Variants in DUSP22 observed in about 807,000 individuals in gnomAD.
The protein encoded by DUSP22 is dual specificity protein phosphatase 22.
Under a neutral mutation model 24.5 loss-of-function variants are expected in DUSP22, and 24 were observed. The observed-to-expected ratio is 0.98, with a 90% CI of 0.71 to 1.38. The LOEUF is 1.38. Ranked by LOEUF, DUSP22 falls within the 40% of genes most tolerant of loss-of-function variation. The probability of loss-of-function intolerance (pLI) is 0.00; values close to 1 mark genes in which losing one functional copy is unlikely to be tolerated. For synonymous variants in DUSP22, 160 were observed against 106.4 expected (o/e 1.50, Z -3.10); for missense variants, 330 against 269.2 (o/e 1.23, Z -1.58).
intron 1 of DUSP22, among the ~76,000 whole-genome samples, chr6:298,714 A>G (rs545882793): frequency 6.6e-6 from 1 of 152,428 alleles, no homozygotes; most frequent in Admixed American, 6.5e-5. Context: ...CTTGTAACAG[A>G]AAACAGGAAT....
intron 3 of DUSP22, among the ~76,000 whole-genome samples, chr6:333,351 T>C (rs1000223381): frequency 6.6e-6 from 1 of 152,308 alleles, no homozygotes. Flanking sequence ...AGCAATAAAG[T>C]TCATCTCCTT....
chr6:330,413 G>A (rs1759090253), intron 3 of DUSP22, among the ~76,000 whole-genome samples: 1 of 152,304 alleles, frequency 6.6e-6, no homozygotes. Context: ...TGTCAGCTGG[G>A]CTCTTGAGAA....
chr6:328,157 G>A (rs1758971273), intron 3 of DUSP22, among the ~76,000 whole-genome samples: 1 of 152,306 alleles, frequency 6.6e-6, no homozygotes, highest in Admixed American at 6.5e-5. Context: ...GGTTGTTCAG[G>A]CTTCACCTTC....
intron 1 of DUSP22, among the ~76,000 whole-genome samples, chr6:293,112 G>A (rs1382852226): frequency 2.0e-5 from 3 of 152,420 alleles, no homozygotes; most frequent in African/African-American, 4.8e-5. Context: ...AAGATTCAGA[G>A]TTGATTAGGT....
At chr6:303,506 T>C (rs1167413768) in intron 1 of DUSP22, among the ~76,000 whole-genome samples, 1 of 152,306 alleles carries the variant, frequency 6.6e-6, no homozygotes. Context: ...AGAAATCAGC[T>C]AACATGAAGA....
intron 1 of DUSP22, among the ~76,000 whole-genome samples, chr6:298,265 G>C (rs1366476416): frequency 6.6e-6 from 1 of 152,302 alleles, no homozygotes; most frequent in Non-Finnish European, 1.5e-5. Context: ...TGGCCAAATG[G>C]CATTTAAAAT....
chr6:345,369 C>T (rs1450645155), intron 4 of DUSP22, among the ~76,000 whole-genome samples: 1 of 152,286 alleles, frequency 6.6e-6, no homozygotes, highest in Non-Finnish European at 1.5e-5. Flanking sequence ...GCCACCACAC[C>T]CAGCTAATTT....
intron 2 of DUSP22, among the ~76,000 whole-genome samples, chr6:309,679 A>AACAGACACACACACACAC (rs1554099005): frequency 1.1e-4 from 15 of 138,422 alleles, no homozygotes; most frequent in African/African-American, 3.7e-4. Flanking sequence ...ACTCATGTAG[A>AACAGACACACACACACAC]ACACACACAC....
intron 4 of DUSP22, 91 bp from the exon 5 acceptor site, chr6:345,763 A>G: frequency 6.7e-7 from 1 of 1,492,072 alleles, no homozygotes; most frequent in Non-Finnish European, 9.1e-7. Context: ...ATCAATTAAC[A>G]TTTTAAGAAA....
Position 349,316 on chromosome 6 carries a change from G to A in DUSP22, c.*365G>A. Reference sequence around the variant, plus strand: ...GTGTACATGTGTGTATGTTGTGAAAGTGTCTGTGCACATGAATGTTTGTGT... The same window carrying A: ...GTGTACATGTGTGTATGTTGTGAAAATGTCTGTGCACATGAATGTTTGTGT... On this transcript the variant is annotated 3_prime_UTR_variant, in exon 7 of 7. Coordinates refer to ENST00000419235, the MANE Select transcript of DUSP22 (RefSeq NM_001286555.3). 8.6e-7 allele frequency: 1 copy of A among 1,164,860 alleles called. No homozygotes were observed. The highest frequency in any genetic ancestry group is 1.6e-5 in the African/African-American group (1 of 64,022). The allele number at this position is 1,164,860 out of a possible 1,614,324, so 72.2% of individuals were successfully genotyped here. A position where few individuals can be genotyped will look rare whatever the true frequency, so the allele number is the denominator to read the frequency against.
intron 2 of DUSP22, among the ~76,000 whole-genome samples, chr6:309,694 A>G (rs1381116053): frequency 1.0e-5 from 1 of 95,794 alleles, no homozygotes; most frequent in East Asian, 2.6e-4. Context: ...ACACACACAC[A>G]CACACACACA....
chr6:293,414 T>A (rs1490372256), intron 1 of DUSP22, among the ~76,000 whole-genome samples: 4 of 152,294 alleles, frequency 2.6e-5, no homozygotes, highest in African/African-American at 9.6e-5. Flanking sequence ...GACAAGACTT[T>A]ACAAAGCCCG....
At chr6:322,419 A>G (rs556279262) in intron 3 of DUSP22, among the ~76,000 whole-genome samples, 6 of 152,296 alleles carry the variant, frequency 3.9e-5, no homozygotes, top group African/African-American at 1.4e-4. Context: ...GGGGCGCCTC[A>G]GGGTACTCTG....
Position 311,885 on chromosome 6 carries a change from A to C in DUSP22, c.61A>C (p.Arg21=). 5 of 1,612,064 alleles carry C rather than the reference A, an allele frequency of 3.1e-6. No individual in the cohort carries two copies. The highest frequency in any genetic ancestry group is 4.2e-6 in the Non-Finnish European group (5 of 1,178,808). Residue 21 remains arginine, a synonymous_variant, in exon 3 of 7, where the codon AGA becomes CGA. Coordinates refer to ENST00000419235, the MANE Select transcript of DUSP22 (RefSeq NM_001286555.3). The part of the protein sequence containing the change: ...GLYIGNFKDA[R]DAEQLSKNKV... ...TCCCCTTTCTTCTCTGACAGATGCCAGAGACGCGGAACAATTGAGCAAGAA... is the reference window on the plus strand; with the variant it reads ...TCCCCTTTCTTCTCTGACAGATGCCCGAGACGCGGAACAATTGAGCAAGAA...
chr6:343,540 G>C (rs1759714014), intron 4 of DUSP22, among the ~76,000 whole-genome samples: 1 of 152,284 alleles, frequency 6.6e-6, no homozygotes, highest in Non-Finnish European at 1.5e-5. Context: ...GTTATCCCTG[G>C]GAAAGTTAAC....
chr6:345,735 T>G, intron 4 of DUSP22, 119 bp from the exon 5 acceptor site: 7 of 1,215,034 alleles, frequency 5.8e-6, no homozygotes, highest in Non-Finnish European at 8.1e-6. Flanking sequence ...TAGAATTATG[T>G]GTCAATTATA....
At chr6:328,873 T>A (rs1759008444) in intron 3 of DUSP22, among the ~76,000 whole-genome samples, 2 of 152,308 alleles carry the variant, frequency 1.3e-5, no homozygotes, top group Admixed American at 6.5e-5. Flanking sequence ...TTGTGTTGAC[T>A]TCCAGTACTT....
chr6:328,495 C>G (rs943174466), intron 3 of DUSP22, among the ~76,000 whole-genome samples: 33 of 152,294 alleles, frequency 2.2e-4, no homozygotes, highest in Admixed American at 3.3e-4. Context: ...TGAAAGAAGT[C>G]ACAGGTGTTG....
chr6:335,007 C>A, intron 3 of DUSP22, 107 bp from the exon 4 acceptor site: 1 of 1,317,910 alleles, frequency 7.6e-7, no homozygotes, highest in East Asian at 2.5e-5. Flanking sequence ...AAAACTTCTC[C>A]TTTTTATTTT....
Sources: gnomAD v4.1 joint callset for allele counts (sites outside exome capture counted in the v4.1 genomes callset) on GRCh38, gnomAD v4.1.1 for gene constraint, MANE v1.5 for transcripts, NCBI Gene and HGNC (gene_info 2026-07-23, HGNC 2026-07-21) for gene names.